COL26A1: variants seen among roughly 807,000 people sequenced by gnomAD.
The protein encoded by COL26A1 is collagen alpha-1(XXVI) chain.
In COL26A1, 41 loss-of-function variants were observed where a neutral mutation model predicts 59.3. The ratio of observed to expected loss-of-function variants is 0.69; its 90% CI spans 0.54 to 0.90. COL26A1 has a LOEUF of 0.90. Ranked by LOEUF, COL26A1 falls within the 40% of genes least tolerant of loss-of-function variation. The pLI is 0.00. For missense variants in COL26A1, 612 were observed against 602.3 expected (o/e 1.02, Z -0.17); for synonymous variants, 266 against 256.0 (o/e 1.04, Z -0.37).
chr7:101,532,602 C>T (rs1795392408), intron 3 of COL26A1, among the ~76,000 whole-genome samples: 1 of 152,182 alleles, frequency 6.6e-6, no homozygotes, highest in South Asian at 2.1e-4. Flanking sequence ...GGACGTCCTC[C>T]TTGATTGTCC....
At chr7:101,362,823 C>CT, upstream of COL26A1, 1 of 558,406 alleles carries the variant, frequency 1.8e-6, no homozygotes, top group Non-Finnish European at 3.1e-6. Flanking sequence ...CCTTTGACGG[C>CT]TTAGAGCCCA....
chr7:101,485,150 C>G lies in COL26A1; in HGVS notation c.385+37363C>G, dbSNP rs546384036. On this transcript the variant is annotated intron_variant, in intron 3 of 12. Transcript: ENST00000313669. ...TACAGGCGTAAGCCACCATGCCCGG[C>G]CTCACATCATATATTTCTACCGGGG... Among the ~76,000 whole-genome samples the G allele has an allele frequency of 2.1e-4, 32 of 152,316 alleles. No homozygotes were observed. In the South Asian group the frequency reaches 6.6e-3, roughly 32 times the overall value.
intron 3 of COL26A1, among the ~76,000 whole-genome samples, chr7:101,493,805 C>T (rs1269807007): frequency 6.9e-6 from 1 of 144,904 alleles, no homozygotes; most frequent in African/African-American, 2.6e-5. Context: ...TGGTGGCGGG[C>T]GTCTGTAGTC....
chr7:101,390,562 A>T (rs1327904851), intron 1 of COL26A1, among the ~76,000 whole-genome samples: 2 of 152,086 alleles, frequency 1.3e-5, no homozygotes, highest in East Asian at 3.9e-4. Flanking sequence ...AGTAGCTGGG[A>T]CTACAGGCAT....
At chr7:101,519,743 C>T (rs566782241) in intron 3 of COL26A1, among the ~76,000 whole-genome samples, 3 of 152,314 alleles carry the variant, frequency 2.0e-5, no homozygotes, top group Non-Finnish European at 2.9e-5. Flanking sequence ...CGTTCAACCT[C>T]GTCATTCTGA....
At chr7:101,493,757 TAAAAAAAAAAA>T (rs57268952) in intron 3 of COL26A1, among the ~76,000 whole-genome samples, 1 of 69,222 alleles carries the variant, frequency 1.4e-5, no homozygotes, top group Non-Finnish European at 2.5e-5. Flanking sequence ...CCATCTCTAC[TAAAAAAAAAAA>T]AAAAAAAAAA....
intron 1 of COL26A1, among the ~76,000 whole-genome samples, chr7:101,367,011 G>A (rs1388254559): frequency 6.6e-6 from 1 of 152,074 alleles, no homozygotes; most frequent in African/African-American, 2.4e-5. Context: ...CAGTGGTGTA[G>A]TTAACTTGAT....
chr7:101,418,420 G>C (rs1340343784), intron 1 of COL26A1, among the ~76,000 whole-genome samples: 1 of 151,916 alleles, frequency 6.6e-6, no homozygotes, highest in African/African-American at 2.4e-5. Context: ...CAAATGTCTG[G>C]CCCATTGCTT....
intron 3 of COL26A1, among the ~76,000 whole-genome samples, chr7:101,498,809 C>G (rs1265852437): frequency 6.6e-6 from 1 of 152,166 alleles, no homozygotes; most frequent in Non-Finnish European, 1.5e-5. Flanking sequence ...TTGGGAGACG[C>G]AGGCTGGAGA....
At chr7:101,458,592 T>C (rs1335180709) in intron 3 of COL26A1, among the ~76,000 whole-genome samples, 3 of 151,820 alleles carry the variant, frequency 2.0e-5, no homozygotes, top group Non-Finnish European at 4.4e-5. Flanking sequence ...GTGAGCCAAG[T>C]GAGCCAAGAT....
intron 9 of COL26A1, 59 bp from the exon 10 acceptor site, chr7:101,551,049 G>T: frequency 6.6e-7 from 1 of 1,525,998 alleles, no homozygotes; most frequent in South Asian, 1.2e-5. Context: ...GTGGCCAGAG[G>T]GCACTGGAGA....
At chr7:101,444,493 G>A (rs536475274) in intron 2 of COL26A1, among the ~76,000 whole-genome samples, 3 of 147,612 alleles carry the variant, frequency 2.0e-5, no homozygotes, top group South Asian at 2.1e-4. Flanking sequence ...TCCACTCACC[G>A]CAACTCCGCC....
chr7:101,554,106 G>A (rs576265467), intron 11 of COL26A1, among the ~76,000 whole-genome samples: 165 of 152,156 alleles, frequency 1.1e-3, no homozygotes, highest in Non-Finnish European at 2.1e-3. Context: ...AGCCCAGTGA[G>A]GGACACAGCT....
chr7:101,382,906 G>A (rs1791479897), intron 1 of COL26A1, among the ~76,000 whole-genome samples: 2 of 152,174 alleles, frequency 1.3e-5, no homozygotes, highest in African/African-American at 4.8e-5. Flanking sequence ...GCTGGGCGTG[G>A]TGATGTATGC....
At chr7:101,526,454 C>A (rs1016603975) in intron 3 of COL26A1, among the ~76,000 whole-genome samples, 2 of 152,192 alleles carry the variant, frequency 1.3e-5, no homozygotes, top group South Asian at 4.1e-4. Flanking sequence ...CCCTCTGAGA[C>A]CTCTCACAGA....
chr7:101,497,782 A>G (rs1794621751), intron 3 of COL26A1, among the ~76,000 whole-genome samples: 1 of 152,198 alleles, frequency 6.6e-6, no homozygotes, highest in Admixed American at 6.5e-5. Context: ...GAAGTTCAAG[A>G]CCAGCTTGGG....
chr7:101,457,965 C>T (rs1393620375), intron 3 of COL26A1, among the ~76,000 whole-genome samples: 1 of 149,348 alleles, frequency 6.7e-6, no homozygotes, highest in Non-Finnish European at 1.5e-5. Flanking sequence ...GGCACGATCT[C>T]GGCTCATTGC....
chr7:101,419,921 G>A (rs1562970359), intron 1 of COL26A1, 56 bp from the exon 2 acceptor site: 13 of 1,590,280 alleles, frequency 8.2e-6, no homozygotes, highest in Admixed American at 3.5e-5. Flanking sequence ...CCCCTGACCC[G>A]AAGTTGGCAG....
intron 3 of COL26A1, among the ~76,000 whole-genome samples, chr7:101,506,317 G>A (rs890106025): frequency 2.0e-5 from 3 of 152,236 alleles, no homozygotes; most frequent in Non-Finnish European, 4.4e-5. Flanking sequence ...ATAAACCAAC[G>A]CTGAAAAGCA....
Sources: allele counts gnomAD v4.1 joint callset (sites outside exome capture counted in the v4.1 genomes callset), GRCh38; gene constraint gnomAD v4.1.1; transcripts MANE v1.5; gene names NCBI Gene and HGNC (gene_info 2026-07-23, HGNC 2026-07-21).